Variants in MRS2 observed in about 807,000 individuals in gnomAD.
MRS2 encodes the protein magnesium transporter MRS2 homolog, mitochondrial.
A neutral mutation model predicts 52.6 loss-of-function variants in MRS2; 40 were observed. The ratio of observed to expected loss-of-function variants is 0.76; its 90% confidence interval spans 0.59 to 0.99. The LOEUF (loss-of-function observed/expected upper bound fraction) is 0.99, where lower values mean the gene tolerates loss of function less well. Ranked by LOEUF, MRS2 falls within the 50% of genes least tolerant of loss-of-function variation. The pLI, the probability that MRS2 is intolerant of heterozygous loss-of-function variation, is 0.00. For missense variants in MRS2, 472 were observed against 532.7 expected (o/e 0.89, Z 1.12); for synonymous variants, 193 against 195.9 (o/e 0.98, Z 0.13).
At chr6:24,406,436 AC>A (rs1019351331) in intron 2 of MRS2, among the ~76,000 whole-genome samples, 2 of 152,066 alleles carry the variant, frequency 1.3e-5, no homozygotes. Flanking sequence ...AAAAGTTACC[AC>A]TGTTATTCAT....
rs750522825 is a variant in MRS2 at position 24,423,717 on chromosome 6, G to C, written c.*23G>C. ...TAGGAACAGCCCCGTGGATACTGAA[G>C]TTTTTTTTATGGTAGTTACAGGAAA... On this transcript the variant is annotated 3_prime_UTR_variant, in exon 11 of 11. Transcript: ENST00000378386. The C allele has an allele frequency of 1.6e-6, 2 of 1,264,744 alleles. No individual in the cohort carries two copies. The highest frequency in any genetic ancestry group is 3.0e-5 in the African/African-American group (2 of 66,756). The allele number at this position is 1,264,744 out of a possible 1,614,324, so 78.3% of individuals were successfully genotyped here. A position where few individuals can be genotyped will look rare whatever the true frequency, so the allele number is the denominator to read the frequency against.
At chr6:24,421,976 C>G (rs933220317) in intron 9 of MRS2, among the ~76,000 whole-genome samples, 5 of 152,102 alleles carry the variant, frequency 3.3e-5, no homozygotes, top group Admixed American at 3.3e-4. Flanking sequence ...TGGTGAAACC[C>G]CATCTCTACT....
At position 24,425,666 on chromosome 6, in the gene MRS2, C is replaced by T. The variant is rs565852618; in HGVS notation, c.*1972C>T. 2 of 152,294 alleles carry T rather than the reference C, an allele frequency of 1.3e-5. No homozygotes were observed. Among genetic ancestry groups the T allele is most frequent in the Admixed American group, 1.3e-4 (2 of 15,290 alleles). The allele number at this position is 152,294 out of a possible 1,614,324, so 9.4% of individuals were successfully genotyped here. On this transcript the variant is annotated 3_prime_UTR_variant, in exon 11 of 11. Transcript: ENST00000378386. Reference sequence around the variant, plus strand: ...TTACTGTTTGAAAGTAGGTACCAAACACTGGGTTATGTGAGTGAGTAAGCA... The same window carrying T: ...TTACTGTTTGAAAGTAGGTACCAAATACTGGGTTATGTGAGTGAGTAAGCA...
At chr6:24,410,925 A>G (rs1455847719) in intron 4 of MRS2, 3 of 520,868 alleles carry the variant, frequency 5.8e-6, no homozygotes, top group Non-Finnish European at 1.0e-5. Context: ...GTGGTGGCTC[A>G]CATCTGTAAT....
intron 9 of MRS2, among the ~76,000 whole-genome samples, 181 bp from the exon 10 acceptor site, chr6:24,422,756 A>G (rs917250838): frequency 3.9e-5 from 6 of 152,190 alleles, no homozygotes; most frequent in African/African-American, 1.2e-4. Context: ...CTTTTAAATC[A>G]TGTTCTTCTC....
intron 5 of MRS2, 148 bp from the exon 6 acceptor site, chr6:24,414,885 A>ATCTAG (rs1761795839): frequency 1.7e-6 from 1 of 604,616 alleles, no homozygotes; most frequent in Admixed American, 3.3e-5. Flanking sequence ...AATCATCTGG[A>ATCTAG]ATAGGCATTC....
chr6:24,413,048 C>T (rs1255102753), intron 5 of MRS2, among the ~76,000 whole-genome samples: 2 of 152,100 alleles, frequency 1.3e-5, no homozygotes, highest in African/African-American at 2.4e-5. Flanking sequence ...TAGATGGCTA[C>T]ACTTCCTGCT....
At chr6:24,407,838 G>C (rs1028140194) in intron 2 of MRS2, among the ~76,000 whole-genome samples, 1 of 152,134 alleles carries the variant, frequency 6.6e-6, no homozygotes, top group African/African-American at 2.4e-5. Context: ...GGCTTCTCTG[G>C]TCCTCTGAGT....
At chr6:24,420,332 C>G (rs1187824367) in intron 9 of MRS2, among the ~76,000 whole-genome samples, 1 of 152,188 alleles carries the variant, frequency 6.6e-6, no homozygotes, top group Non-Finnish European at 1.5e-5. Context: ...ATAATCCTAC[C>G]CTTCCATCTG....
rs1719475997 is a variant in MRS2 at position 24,422,949 on chromosome 6, T to A, written c.1120T>A (p.Phe374Ile). 1 of 1,613,364 alleles carries A rather than the reference T, an allele frequency of 6.2e-7. No individual in the cohort carries two copies. Among genetic ancestry groups the A allele is most frequent in the Non-Finnish European group, 8.5e-7 (1 of 1,179,638 alleles). The change falls in exon 10 of 11, where the codon TTT (phenylalanine) becomes ATT (isoleucine). Residue 374 changes from phenylalanine to isoleucine, a missense_variant. Physicochemically the swap from Phe to Ile is conservative, Grantham distance 21. Coordinates refer to ENST00000378386, the MANE Select transcript of MRS2 (RefSeq NM_020662.4). The part of the protein sequence containing the change: ...ESSLEEDHRI[F>I]WLITGIMFMG... ...TGTTCTCTTTTAGGACCATAGAATTTTTTGGCTGATTACAGGAATTATGTT... is the reference window on the plus strand; with the variant it reads ...TGTTCTCTTTTAGGACCATAGAATTATTTGGCTGATTACAGGAATTATGTT...
chr6:24,406,232 T>C (rs1426644557), intron 2 of MRS2, among the ~76,000 whole-genome samples: 1 of 152,104 alleles, frequency 6.6e-6, no homozygotes, highest in Non-Finnish European at 1.5e-5. Flanking sequence ...AGTTTTCTCA[T>C]CTGAAAACTG....
chr6:24,423,780 C>A lies in MRS2; in HGVS notation c.*86C>A. ...TTTTTATTATTTTCTTGTATAGAGTCAGACACTTGAAAAAAACTAATGTTT... is the reference window on the plus strand; with the variant it reads ...TTTTTATTATTTTCTTGTATAGAGTAAGACACTTGAAAAAAACTAATGTTT... On this transcript the variant is annotated 3_prime_UTR_variant, in exon 11 of 11. Transcript: ENST00000378386. The A allele has an allele frequency of 1.8e-6, 1 of 547,084 alleles. No individual in the cohort carries two copies. Among genetic ancestry groups the A allele is most frequent in the Non-Finnish European group, 3.1e-6 (1 of 321,330 alleles). 33.9% of individuals were successfully genotyped at this position (547,084 alleles called of 1,614,324 possible). A position where few individuals can be genotyped will look rare whatever the true frequency, so the allele number is the denominator to read the frequency against.
chr6:24,421,645 T>C (rs1420983187), intron 9 of MRS2, among the ~76,000 whole-genome samples: 1 of 152,064 alleles, frequency 6.6e-6, no homozygotes, highest in Non-Finnish European at 1.5e-5. Context: ...CTCTAAATTA[T>C]TTGAGACTAA....
chr6:24,423,185 CCTAT>C (rs1358926190), intron 10 of MRS2, 135 bp downstream of exon 10: 11 of 658,544 alleles, frequency 1.7e-5, no homozygotes, highest in African/African-American at 5.4e-5. Flanking sequence ...CTTCAGTTTC[CCTAT>C]CTGTCAGTTA....
intron 7 of MRS2, 59 bp downstream of exon 7, chr6:24,416,572 C>T (rs1761857337): frequency 3.4e-6 from 3 of 891,604 alleles, no homozygotes; most frequent in Middle Eastern, 2.7e-4. Context: ...TTGCCTTTTC[C>T]ACTTCAAGGT....
At chr6:24,410,040 C>T (rs1172665332) in intron 4 of MRS2, among the ~76,000 whole-genome samples, 1 of 152,020 alleles carries the variant, frequency 6.6e-6, no homozygotes, top group Admixed American at 6.6e-5. Flanking sequence ...CCCAGGCTGG[C>T]ACGATCTTGG....
intron 9 of MRS2, among the ~76,000 whole-genome samples, chr6:24,421,897 C>T (rs1230145093): frequency 6.6e-6 from 1 of 152,092 alleles, no homozygotes; most frequent in Non-Finnish European, 1.5e-5. Context: ...ACCTGTAATC[C>T]CAGCACTTTG....
rs1486186312 is a variant in MRS2 at position 24,412,300 on chromosome 6, C to T, written c.493C>T (p.Arg165Trp). The T allele has an allele frequency of 4.4e-6, 7 of 1,603,948 alleles. No individual in the cohort carries two copies. Among genetic ancestry groups the T allele is most frequent in the Non-Finnish European group, 6.0e-6 (7 of 1,175,422 alleles). The change falls in exon 5 of 11, where the codon CGG (arginine) becomes TGG (tryptophan). Residue 165 changes from arginine (R) to tryptophan (W), a missense_variant. Transcript: ENST00000378386. ...TTTAAACTTAGAGCAATGGCTGTTC[C>T]GGGAACTCCCTTCACAGTTGTCTGG... ...RNLNLEQWLF[R>W]ELPSQLSGEG...
chr6:24,421,255 T>C (rs1762032857), intron 9 of MRS2, among the ~76,000 whole-genome samples: 1 of 152,272 alleles, frequency 6.6e-6, no homozygotes, highest in African/African-American at 2.4e-5. Context: ...ATAGTTTTAG[T>C]ATGTGCAATC....
Sources: gnomAD v4.1 joint callset for allele counts (sites outside exome capture counted in the v4.1 genomes callset) on GRCh38, gnomAD v4.1.1 for gene constraint, MANE v1.5 for transcripts, NCBI Gene and HGNC (gene_info 2026-07-23, HGNC 2026-07-21) for gene names.